PDSS2: variants seen among roughly 807,000 people sequenced by gnomAD.
PDSS2 encodes all trans-polyprenyl-diphosphate synthase PDSS2.
A neutral mutation model predicts 44.5 loss-of-function variants in PDSS2; 31 were observed. That is an observed-to-expected ratio of 0.70 (90% CI 0.52 to 0.94). PDSS2 has a LOEUF of 0.94. PDSS2 is among the 40% of genes least tolerant of loss of function. The probability of loss-of-function intolerance (pLI) is 0.00; values close to 1 mark genes in which losing one functional copy is unlikely to be tolerated. For missense variants in PDSS2, 452 were observed against 482.2 expected, an observed-to-expected ratio of 0.94 and a Z score of 0.59; for synonymous variants, 157 against 180.3, an observed-to-expected ratio of 0.87 and a Z score of 1.03.
chr6:107,350,508 T>C (rs1459722226), intron 1 of PDSS2, among the ~76,000 whole-genome samples: 1 of 152,172 alleles, frequency 6.6e-6, no homozygotes, highest in Admixed American at 6.5e-5. Context: ...GATAAGCAAA[T>C]GATTCAACAG....
chr6:107,385,335 T>TAA (rs201356582), intron 1 of PDSS2, among the ~76,000 whole-genome samples: 3 of 142,652 alleles, frequency 2.1e-5, no homozygotes, highest in Non-Finnish European at 4.6e-5. Context: ...CCCTGTCTCT[T>TAA]AAAAAAAAAA....
chr6:107,394,040 C>T (rs1044620346), intron 1 of PDSS2, among the ~76,000 whole-genome samples: 2 of 152,200 alleles, frequency 1.3e-5, no homozygotes, highest in Non-Finnish European at 2.9e-5. Context: ...ATTTAGACCA[C>T]TTAGAGTTAA....
rs149289087 is a variant in PDSS2 at position 107,423,184 on chromosome 6, T to C, written c.296+35806A>G. On this transcript the variant is annotated intron_variant, in intron 1 of 7. Coordinates refer to ENST00000369037, the MANE Select transcript of PDSS2 (RefSeq NM_020381.4). ...CATCTCTGTTATATCTAGTTGTAAA[T>C]GGCAATGAGTATTGTTTTAGGTATT... 1.7e-3 allele frequency among the ~76,000 whole-genome samples: 254 copies of C among 152,266 alleles called. 1 individual carries two copies. The highest frequency in any genetic ancestry group is 2.9e-3 in the Non-Finnish European group (199 of 67,994).
chr6:107,429,901 A>AAATATATAT (rs1166637352), intron 1 of PDSS2, among the ~76,000 whole-genome samples: 2 of 31,830 alleles, frequency 6.3e-5, no homozygotes, highest in Non-Finnish European at 1.1e-4. Flanking sequence ...AAAAAAAAAA[A>AAATATATAT]ATATATATAT....
At chr6:107,237,543 C>T (rs1034593755) in intron 4 of PDSS2, among the ~76,000 whole-genome samples, 1 of 152,056 alleles carries the variant, frequency 6.6e-6, no homozygotes, top group East Asian at 1.9e-4. Context: ...GTACCTGGCC[C>T]TGGCCTCTTA....
At position 107,391,353 on chromosome 6, in the gene PDSS2, C is replaced by T. The variant is rs990858643; in HGVS notation, c.297-57021G>A. Among the ~76,000 whole-genome samples, 5 of 152,122 alleles carry T rather than the reference C, an allele frequency of 3.3e-5. No homozygotes were observed. In the East Asian group the frequency reaches 7.7e-4, roughly 23 times the overall value. ...AAGGCAGTGAAAACTGACTAACCTCCTTCTTTCCTGGCTAGTAAGAAATAG... is the reference window on the plus strand; with the variant it reads ...AAGGCAGTGAAAACTGACTAACCTCTTTCTTTCCTGGCTAGTAAGAAATAG... On this transcript the variant is annotated intron_variant, in intron 1 of 7. Coordinates refer to ENST00000369037, the MANE Select transcript of PDSS2 (RefSeq NM_020381.4).
At chr6:107,443,620 ATTTCT>A (rs1158861808) in intron 1 of PDSS2, among the ~76,000 whole-genome samples, 1 of 152,146 alleles carries the variant, frequency 6.6e-6, no homozygotes, top group African/African-American at 2.4e-5. Flanking sequence ...AGAAGCAGAT[ATTTCT>A]AGCCTATTTC....
At chr6:107,320,360 G>A (rs1777344605) in intron 2 of PDSS2, among the ~76,000 whole-genome samples, 1 of 152,168 alleles carries the variant, frequency 6.6e-6, no homozygotes, top group African/African-American at 2.4e-5. Context: ...ATGGACAAGA[G>A]AAAATCTTGT....
chr6:107,439,774 C>T (rs905986317), intron 1 of PDSS2, among the ~76,000 whole-genome samples: 1 of 152,032 alleles, frequency 6.6e-6, no homozygotes, highest in Non-Finnish European at 1.5e-5. Flanking sequence ...AATAGACTGG[C>T]TGAATAAGCA....
At chr6:107,267,126 TA>T (rs1385292722) in intron 3 of PDSS2, among the ~76,000 whole-genome samples, 1 of 152,182 alleles carries the variant, frequency 6.6e-6, no homozygotes, top group African/African-American at 2.4e-5. Context: ...AGAAAACAAA[TA>T]GAAATTTGTC....
At chr6:107,357,927 T>C (rs1047343492) in intron 1 of PDSS2, among the ~76,000 whole-genome samples, 2 of 152,162 alleles carry the variant, frequency 1.3e-5, no homozygotes, top group Non-Finnish European at 2.9e-5. Flanking sequence ...TTAGCCAAGG[T>C]AAACATAGCA....
chr6:107,201,971 A>T (rs1285550061), intron 6 of PDSS2, among the ~76,000 whole-genome samples: 2 of 152,182 alleles, frequency 1.3e-5, no homozygotes, highest in Non-Finnish European at 2.9e-5. Flanking sequence ...AGTTTTAGAC[A>T]TAAGGATGCT....
chr6:107,252,894 G>C (rs905865590), intron 3 of PDSS2, among the ~76,000 whole-genome samples: 10 of 152,166 alleles, frequency 6.6e-5, no homozygotes, highest in Non-Finnish European at 1.3e-4. Flanking sequence ...TTCATTTCAT[G>C]AACAGTTTGA....
At chr6:107,401,927 G>A (rs910338929) in intron 1 of PDSS2, among the ~76,000 whole-genome samples, 13 of 151,750 alleles carry the variant, frequency 8.6e-5, no homozygotes, top group African/African-American at 2.4e-4. Flanking sequence ...GGCAAATCAC[G>A]AGGTCAGGAG....
rs954074654 is a variant in PDSS2, at chr6:107,443,884, C to T, written c.296+15106G>A. 3.3e-5 allele frequency among the ~76,000 whole-genome samples: 5 copies of T among 152,226 alleles called. No homozygotes were observed. The South Asian group carries it at 1.0e-3, about 32-fold the overall frequency. On this transcript the variant is annotated intron_variant, in intron 1 of 7. Coordinates refer to ENST00000369037, the MANE Select transcript of PDSS2 (RefSeq NM_020381.4). ...TCACTACGGCATTTATCTCAAGGTA[C>T]TGTGTATGTCTCCCCACGAAAATGA...
chr6:107,318,034 TGTG>T (rs1483902039), intron 2 of PDSS2, among the ~76,000 whole-genome samples: 1 of 152,174 alleles, frequency 6.6e-6, no homozygotes, highest in African/African-American at 2.4e-5. Flanking sequence ...GTGGTTATCT[TGTG>T]GTCATCAGAA....
chr6:107,419,855 C>T (rs1251350248), intron 1 of PDSS2, among the ~76,000 whole-genome samples: 1 of 152,156 alleles, frequency 6.6e-6, no homozygotes, highest in Non-Finnish European at 1.5e-5. Context: ...ATATGAAAAG[C>T]ATCGTTATCA....
intron 2 of PDSS2, among the ~76,000 whole-genome samples, chr6:107,308,460 A>G (rs559678511): frequency 6.6e-6 from 1 of 152,342 alleles, no homozygotes; most frequent in South Asian, 2.1e-4. Flanking sequence ...AGTTTAAGAC[A>G]TGGTCTGTGT....
intron 1 of PDSS2, among the ~76,000 whole-genome samples, chr6:107,399,484 C>A (rs537280563): frequency 6.6e-6 from 1 of 152,292 alleles, no homozygotes; most frequent in East Asian, 1.9e-4. Flanking sequence ...CCACCCTTGG[C>A]CAATCTGGGC....
Sources: gnomAD v4.1 joint callset for allele counts (sites outside exome capture counted in the v4.1 genomes callset) on GRCh38, gnomAD v4.1.1 for gene constraint, MANE v1.5 for transcripts, NCBI Gene and HGNC (gene_info 2026-07-23, HGNC 2026-07-21) for gene names.